SEC23IP: variants seen among roughly 807,000 people sequenced by gnomAD.
The protein encoded by SEC23IP is SEC23 interacting protein.
Under a neutral mutation model 113.4 loss-of-function variants are expected in SEC23IP, and 70 were observed. The observed-to-expected ratio is 0.62, with a 90% confidence interval of 0.51 to 0.75. SEC23IP has a LOEUF of 0.75. Ranked by LOEUF, SEC23IP falls within the 30% of genes least tolerant of loss-of-function variation. The pLI is 0.00. For missense variants in SEC23IP, 1,160 were observed against 1,204.9 expected (o/e 0.96, Z 0.55); for synonymous variants, 398 against 421.0 (o/e 0.95, Z 0.67).
At chr10:119,893,198 TCC>T (rs556676902) in intron 1 of SEC23IP, among the ~76,000 whole-genome samples, 40 of 152,258 alleles carry the variant, frequency 2.6e-4, no homozygotes, top group African/African-American at 9.4e-4. Flanking sequence ...ACCCTGGCAT[TCC>T]GCAAATCTTT....
At chr10:119,925,083 A>C (rs1234428021) in intron 12 of SEC23IP, among the ~76,000 whole-genome samples, 1 of 152,154 alleles carries the variant, frequency 6.6e-6, no homozygotes, top group African/African-American at 2.4e-5. Context: ...AAATGCATAG[A>C]TCTTCAGTGT....
rs149628550 is a variant in SEC23IP at position 119,907,892 on chromosome 10, C to T, written c.1102-1149C>T. Among the ~76,000 whole-genome samples, 417 of 152,216 alleles carry T rather than the reference C, an allele frequency of 2.7e-3. 1 individual carries two copies. Among genetic ancestry groups the T allele is most frequent in the African/African-American group, 8.0e-3 (333 of 41,540 alleles). On this transcript the variant is annotated intron_variant, in intron 4 of 18. Coordinates refer to ENST00000369075, the MANE Select transcript of SEC23IP (RefSeq NM_007190.4). Reference sequence around the variant, plus strand: ...GCCTGAACCTGGGAGGCGGAGGTTGCGGTGAGCAGAGATTGCACCACTGTA... The same window carrying T: ...GCCTGAACCTGGGAGGCGGAGGTTGTGGTGAGCAGAGATTGCACCACTGTA...
At chr10:119,940,273 C>T (rs1384559669) in intron 18 of SEC23IP, among the ~76,000 whole-genome samples, 4 of 151,194 alleles carry the variant, frequency 2.6e-5, no homozygotes, top group African/African-American at 9.7e-5. Flanking sequence ...CTGCAAGCTC[C>T]GCCTCCCGTG....
intron 12 of SEC23IP, among the ~76,000 whole-genome samples, chr10:119,924,461 C>T (rs1855356450): frequency 1.3e-5 from 2 of 151,692 alleles, no homozygotes; most frequent in Admixed American, 6.6e-5. Context: ...CGCTCTGTTG[C>T]TCAGGCTGGA....
intron 18 of SEC23IP, among the ~76,000 whole-genome samples, chr10:119,937,481 A>T (rs137863892): frequency 0.011 from 1,693 of 151,890 alleles, 13 homozygotes; most frequent in Non-Finnish European, 0.014. Context: ...CAGAAATTAG[A>T]TGGGTGTGGT....
chr10:119,892,742 C>A lies in SEC23IP; in HGVS notation c.-41C>A. The A allele has an allele frequency of 6.4e-7, 1 of 1,564,580 alleles. No homozygotes were observed. Among genetic ancestry groups the A allele is most frequent in the Non-Finnish European group, 8.7e-7 (1 of 1,153,776 alleles). ...TCGGTTTCCGGTCAGTGGTGTGGTACCGGGTACCCGGAGACGTGTATCGGA... is the reference window on the plus strand; with the variant it reads ...TCGGTTTCCGGTCAGTGGTGTGGTAACGGGTACCCGGAGACGTGTATCGGA... On this transcript the variant is annotated 5_prime_UTR_variant, in exon 1 of 19. Transcript: ENST00000369075.
At chr10:119,936,081 C>T (rs1026229619) in intron 18 of SEC23IP, among the ~76,000 whole-genome samples, 2 of 152,080 alleles carry the variant, frequency 1.3e-5, no homozygotes. Context: ...CATTTCATTC[C>T]ATTTTATAGT....
At chr10:119,904,529 C>T in intron 4 of SEC23IP, 1 of 402,362 alleles carries the variant, frequency 2.5e-6, no homozygotes. Context: ...GTCAAGCCTT[C>T]AATAGAACCT....
intron 2 of SEC23IP, 65 bp downstream of exon 2, chr10:119,899,024 G>A: frequency 7.5e-7 from 1 of 1,338,086 alleles, no homozygotes; most frequent in Non-Finnish European, 1.0e-6. Flanking sequence ...CTGAACCTAT[G>A]TTTTAAAAAA....
chr10:119,925,338 A>G (rs1855385357), intron 12 of SEC23IP, among the ~76,000 whole-genome samples: 1 of 152,112 alleles, frequency 6.6e-6, no homozygotes, highest in African/African-American at 2.4e-5. Context: ...AACAGTATGT[A>G]TTCTTTTATA....
intron 2 of SEC23IP, among the ~76,000 whole-genome samples, chr10:119,901,964 G>C (rs1052104452): frequency 2.0e-5 from 3 of 152,164 alleles, no homozygotes; most frequent in African/African-American, 7.2e-5. Flanking sequence ...CAGGATTACA[G>C]GTGTGAGCCA....
At chr10:119,912,765 C>T (rs906636647) in intron 6 of SEC23IP, among the ~76,000 whole-genome samples, 5 of 151,678 alleles carry the variant, frequency 3.3e-5, no homozygotes, top group Admixed American at 6.6e-5. Context: ...CTCAGCCTCC[C>T]GAGTAGCTGG....
At chr10:119,927,452 G>C (rs540587076) in intron 13 of SEC23IP, among the ~76,000 whole-genome samples, 1 of 152,146 alleles carries the variant, frequency 6.6e-6, no homozygotes, top group East Asian at 1.9e-4. Flanking sequence ...GTGTTTCTTC[G>C]AGCTGCTAGG....
At chr10:119,900,100 G>T (rs34038604) in intron 2 of SEC23IP, among the ~76,000 whole-genome samples, 8,284 of 151,604 alleles carry the variant, frequency 0.055, 425 homozygotes, top group South Asian at 0.27. Flanking sequence ...ATATTTGAAG[G>T]TCAGTAAAAT....
intron 2 of SEC23IP, among the ~76,000 whole-genome samples, chr10:119,900,890 T>C (rs1289150278): frequency 6.6e-6 from 1 of 152,170 alleles, no homozygotes; most frequent in Admixed American, 6.5e-5. Flanking sequence ...CTGTTTTCAT[T>C]TTGTTATATG....
In SEC23IP at chr10:119,936,877, A is replaced by C. The variant is rs146223276; in HGVS notation, c.*20+3090A>C. On this transcript the variant is annotated intron_variant, in intron 18 of 18. Coordinates refer to ENST00000369075, the MANE Select transcript of SEC23IP (RefSeq NM_007190.4). The stretch of plus-strand genomic sequence containing the variant: ...CGGGGTAGGGTCCTTTTCTTTCTTT[A>C]TTTTATTTTATTTTATTTTATTTTT... 6.8e-3 allele frequency among the ~76,000 whole-genome samples: 1,012 copies of C among 147,808 alleles called. 8 individuals carry two copies. Among genetic ancestry groups the C allele is most frequent in the Middle Eastern group, 0.018 (5 of 282 alleles).
chr10:119,915,605 A>C, intron 7 of SEC23IP, 143 bp from the exon 8 acceptor site: 1 of 591,874 alleles, frequency 1.7e-6, no homozygotes, highest in Non-Finnish European at 2.6e-6. Context: ...AAAAAATTTT[A>C]CTAATTCTCT....
Position 119,898,744 on chromosome 10 carries a change from A to G in SEC23IP, c.481A>G (p.Ser161Gly). 1 of 1,614,214 alleles carries G rather than the reference A, an allele frequency of 6.2e-7. No individual in the cohort carries two copies. The highest frequency in any genetic ancestry group is 8.5e-7 in the Non-Finnish European group (1 of 1,180,044). ...AAATTCTTATCTGCCTTCTCAGCCA[A>G]GTAGTCTCCCTCCTTCATATTTTGG... ...GINSYLPSQP[S>G]SLPPSYFGNQ... is the part of the protein sequence containing the mutation. The change falls in exon 2 of 19, where the codon AGT (serine) becomes GGT (glycine). Residue 161 changes from serine to glycine, a missense_variant. Ser to Gly is a moderately conservative substitution (Grantham distance 56, BLOSUM62 0). Transcript: ENST00000369075.
chr10:119,904,203 T>A lies in SEC23IP; in HGVS notation c.1027T>A (p.Cys343Ser). 1 of 1,614,238 alleles carries A rather than the reference T, an allele frequency of 6.2e-7. No individual in the cohort carries two copies. Among genetic ancestry groups the A allele is most frequent in the Non-Finnish European group, 8.5e-7 (1 of 1,180,042 alleles). ...AGAGGAGCCAGCCGAAGTGAGACGC[T>A]GTACTTGGTTTTACAAGGGGGACAC... ...WEEEPAEVRR[C>S]TWFYKGDTDS... Residue 343 changes from cysteine (C) to serine (S), a missense_variant, in exon 4 of 19, where the codon TGT (cysteine) becomes AGT (serine). Coordinates refer to ENST00000369075, the MANE Select transcript of SEC23IP (RefSeq NM_007190.4).
Sources: allele counts gnomAD v4.1 joint callset (sites outside exome capture counted in the v4.1 genomes callset), GRCh38; gene constraint gnomAD v4.1.1; transcripts MANE v1.5; gene names NCBI Gene and HGNC (gene_info 2026-07-23, HGNC 2026-07-21).